Variants in ADAMTSL1 observed in about 807,000 individuals in gnomAD.
ADAMTSL1 encodes the protein ADAMTS-like protein 1.
A neutral mutation model predicts 201.8 loss-of-function variants in ADAMTSL1; 126 were observed. That is an observed-to-expected ratio of 0.62 (90% confidence interval 0.54 to 0.72). The LOEUF (loss-of-function observed/expected upper bound fraction) is 0.72. Ranked by LOEUF, ADAMTSL1 falls within the 30% of genes least tolerant of loss-of-function variation. The pLI is 0.00. For missense variants in ADAMTSL1, 2,679 were observed against 2,277.8 expected (o/e 1.18, Z -3.59); for synonymous variants, 1,121 against 903.4 (o/e 1.24, Z -4.32).
intron 7 of ADAMTSL1, among the ~76,000 whole-genome samples, chr9:18,649,800 T>TG (rs942044217): frequency 1.3e-5 from 2 of 151,914 alleles, no homozygotes; most frequent in Non-Finnish European, 2.9e-5. Flanking sequence ...CTGCCCCTAC[T>TG]GGGGGGTGCC....
intron 2 of ADAMTSL1, among the ~76,000 whole-genome samples, chr9:18,316,072 G>A (rs1481575436): frequency 2.6e-5 from 4 of 152,314 alleles, no homozygotes; most frequent in African/African-American, 9.6e-5. Context: ...TGCCCCACAA[G>A]CTGCAAAAAC....
intron 2 of ADAMTSL1, among the ~76,000 whole-genome samples, chr9:18,209,621 C>G (rs1829789614): frequency 6.6e-6 from 1 of 152,154 alleles, no homozygotes; most frequent in Admixed American, 6.6e-5. Context: ...TTCTAATTAA[C>G]AGGTTGATGA....
intron 2 of ADAMTSL1, among the ~76,000 whole-genome samples, chr9:18,351,270 A>G (rs1444360956): frequency 6.6e-6 from 1 of 151,824 alleles, no homozygotes; most frequent in East Asian, 1.9e-4. Flanking sequence ...AAAAAGAAAA[A>G]AAAAAGAAAA....
intron 23 of ADAMTSL1, among the ~76,000 whole-genome samples, chr9:18,848,951 G>A (rs1826305883): frequency 6.6e-6 from 1 of 152,180 alleles, no homozygotes; most frequent in African/African-American, 2.4e-5. Flanking sequence ...AAGAGATTTT[G>A]CCAACTAATG....
chr9:18,301,249 G>A (rs184762557), intron 2 of ADAMTSL1, among the ~76,000 whole-genome samples: 17 of 152,240 alleles, frequency 1.1e-4, no homozygotes, highest in African/African-American at 2.4e-4. Flanking sequence ...AAAACAATGC[G>A]TCTTGGAATC....
intron 14 of ADAMTSL1, among the ~76,000 whole-genome samples, chr9:18,711,269 C>T (rs576677154): frequency 9.0e-4 from 137 of 152,312 alleles, no homozygotes; most frequent in Non-Finnish European, 1.7e-3. Context: ...GGAACAGCTC[C>T]GATCTACAGC....
chr9:18,173,864 T>C (rs1828017297), intron 2 of ADAMTSL1, among the ~76,000 whole-genome samples: 1 of 152,160 alleles, frequency 6.6e-6, no homozygotes, highest in Non-Finnish European at 1.5e-5. Flanking sequence ...ACTTTGTCAA[T>C]AATGGTGAAA....
At chr9:18,522,757 C>A (rs1390380426) in intron 2 of ADAMTSL1, among the ~76,000 whole-genome samples, 1 of 151,976 alleles carries the variant, frequency 6.6e-6, no homozygotes, top group East Asian at 1.9e-4. Context: ...CATGTCCCTA[C>A]ATAGGACATG....
intron 2 of ADAMTSL1, among the ~76,000 whole-genome samples, chr9:18,231,462 C>T (rs1008845308): frequency 4.4e-4 from 67 of 152,182 alleles, no homozygotes; most frequent in Non-Finnish European, 4.4e-5. Flanking sequence ...TCCAGGAAAA[C>T]ACGTTCTCTT....
At chr9:18,551,594 A>G (rs1306082323) in intron 3 of ADAMTSL1, among the ~76,000 whole-genome samples, 1 of 151,162 alleles carries the variant, frequency 6.6e-6, no homozygotes, top group East Asian at 1.9e-4. Flanking sequence ...CTAGTGCCCA[A>G]AGAATGAGTT....
intron 2 of ADAMTSL1, among the ~76,000 whole-genome samples, chr9:18,378,471 A>G (rs1220097259): frequency 6.6e-6 from 1 of 152,202 alleles, no homozygotes; most frequent in Non-Finnish European, 1.5e-5. Context: ...TATTTTAAAG[A>G]TGAGATATAT....
At chr9:18,521,416 C>A (rs1818683855) in intron 2 of ADAMTSL1, among the ~76,000 whole-genome samples, 1 of 150,766 alleles carries the variant, frequency 6.6e-6, no homozygotes, top group Admixed American at 6.6e-5. Context: ...TCTTCTGCAC[C>A]CCATAAATAC....
At chr9:17,996,607 G>A (rs1016526508) in intron 1 of ADAMTSL1, among the ~76,000 whole-genome samples, 1 of 151,968 alleles carries the variant, frequency 6.6e-6, no homozygotes, top group Admixed American at 6.6e-5. Context: ...ACTGGGTATT[G>A]TTTCCCATAT....
chr9:18,743,250 G>A (rs1291781578), intron 15 of ADAMTSL1, among the ~76,000 whole-genome samples: 1 of 152,156 alleles, frequency 6.6e-6, no homozygotes, highest in Non-Finnish European at 1.5e-5. Context: ...GTTAGAGTGA[G>A]GGAAGGCTGA....
rs532453738 is a variant in ADAMTSL1, at chr9:18,355,302, G to GTA, written c.208-149519_208-149518dup. ...TAATGGTGGAAAGCTGTAATATAAA[G>GTA]TATATATATTTAAATTTTTTATAAC... On this transcript the variant is annotated intron_variant, in intron 2 of 29. Transcript: ENST00000680146. Among the ~76,000 whole-genome samples, 249 of 152,190 alleles carry GTA rather than the reference G, an allele frequency of 1.6e-3. 1 individual carries two copies. The highest frequency in any genetic ancestry group is 3.4e-3 in the Middle Eastern group (1 of 294).
chr9:18,387,710 T>C (rs576429123), intron 2 of ADAMTSL1, among the ~76,000 whole-genome samples: 11 of 152,226 alleles, frequency 7.2e-5, no homozygotes, highest in South Asian at 4.1e-4. Context: ...TATAAAATGG[T>C]TTTTTAGATT....
At chr9:18,710,935 G>C (rs554523691) in intron 14 of ADAMTSL1, among the ~76,000 whole-genome samples, 50 of 152,102 alleles carry the variant, frequency 3.3e-4, no homozygotes, top group Non-Finnish European at 6.0e-4. Context: ...CACACCCACA[G>C]TACTCGTCCA....
chr9:18,601,488 G>A (rs140062339), intron 4 of ADAMTSL1, among the ~76,000 whole-genome samples: 1 of 152,192 alleles, frequency 6.6e-6, no homozygotes, highest in Non-Finnish European at 1.5e-5. Flanking sequence ...CCAGGGAAGA[G>A]AGTCTGGCCT....
chr9:18,277,733 T>C (rs1832639768), intron 2 of ADAMTSL1, among the ~76,000 whole-genome samples: 1 of 152,212 alleles, frequency 6.6e-6, no homozygotes, highest in Admixed American at 6.5e-5. Flanking sequence ...TCAGTCATCC[T>C]ATGTCTTTTC....
Sources: gnomAD v4.1 joint callset for allele counts (sites outside exome capture counted in the v4.1 genomes callset) on GRCh38, gnomAD v4.1.1 for gene constraint, MANE v1.5 for transcripts, NCBI Gene and HGNC (gene_info 2026-07-23, HGNC 2026-07-21) for gene names.